The following AMD1 variants were observed in gnomAD, a reference collection of about 807,000 sequenced individuals.
The protein encoded by AMD1 is adenosylmethionine decarboxylase 1, also known as S-adenosylmethionine decarboxylase proenzyme.
Under a neutral mutation model 40.2 loss-of-function variants are expected in AMD1, and 11 were observed. That is an observed-to-expected ratio of 0.27 (90% confidence interval 0.17 to 0.45). The LOEUF is 0.45. Among genes scored for constraint, AMD1 ranks in the 20% least tolerant of loss-of-function variants. The pLI is 1.00. For missense variants in AMD1, 257 were observed against 410.2 expected, an observed-to-expected ratio of 0.63 and a Z score of 3.23; for synonymous variants, 121 against 130.8, an observed-to-expected ratio of 0.93 and a Z score of 0.51.
At chr6:110,836,569 T>G in the AMD1 span, among the ~76,000 whole-genome samples, 50 of 152,342 alleles carry the variant, frequency 3.3e-4, no homozygotes, top group Middle Eastern at 0.01. Flanking sequence ...TTTCAAGCTC[T>G]TAGGAAATTC....
upstream of AMD1, among the ~76,000 whole-genome samples, chr6:110,873,505 C>A (rs113016461): frequency 2.6e-5 from 4 of 152,194 alleles, no homozygotes; most frequent in African/African-American, 9.7e-5. Flanking sequence ...AAACCCAAAC[C>A]ATGTCTTTTT....
the AMD1 span, among the ~76,000 whole-genome samples, chr6:110,828,699 T>G: frequency 2.0e-5 from 3 of 152,170 alleles, no homozygotes; most frequent in Admixed American, 2.0e-4. Context: ...GAAGTCAAAT[T>G]TGAATCTGGA....
At chr6:110,829,572 G>A in the AMD1 span, among the ~76,000 whole-genome samples, 5 of 152,010 alleles carry the variant, frequency 3.3e-5, no homozygotes, top group African/African-American at 9.7e-5. Context: ...GGGAGGCTGA[G>A]GCAGGAGAAT....
the AMD1 span, among the ~76,000 whole-genome samples, chr6:110,862,810 G>A: frequency 6.6e-6 from 1 of 151,988 alleles, no homozygotes; most frequent in African/African-American, 2.4e-5. Flanking sequence ...TAATGTTGAA[G>A]GCTCTCCTCA....
At chr6:110,880,041 C>T (rs2012303) in intron 1 of AMD1, among the ~76,000 whole-genome samples, 7,854 of 151,944 alleles carry the variant, frequency 0.052, 267 homozygotes, top group South Asian at 0.1. Flanking sequence ...CTGCAACCTC[C>T]GCCTCCCAGG....
rs116456967 is a variant in AMD1, at chr6:110,892,982, C to G, written c.781C>G (p.Gln261Glu). Reference protein sequence around the residue: ...SYVSFETNLSQTSYDDLIRKV... With the variant: ...SYVSFETNLSETSYDDLIRKV... ...TGTTAGCTTTGAAACAAACTTAAGT[C>G]AGACCTCCTATGATGACCTGATCAG... Residue 261 changes from glutamine (Q) to glutamate (E), a missense_variant, in exon 8 of 9, where the codon CAG becomes GAG. Gln to Glu is a conservative substitution (Grantham distance 29, BLOSUM62 2). Transcript: ENST00000368885. The G allele has an allele frequency of 2.5e-6, 4 of 1,614,010 alleles. No homozygotes were observed. The highest frequency in any genetic ancestry group is 2.7e-5 in the African/African-American group (2 of 75,052).
At chr6:110,815,326 T>A in the AMD1 span, 3 of 480,316 alleles carry the variant, frequency 6.2e-6, no homozygotes, top group Non-Finnish European at 1.0e-5. Context: ...AGCAGCCACC[T>A]CCTCCACCTC....
At chr6:110,858,602 G>A in the AMD1 span, 1 of 1,574,298 alleles carries the variant, frequency 6.4e-7, no homozygotes, top group Non-Finnish European at 8.7e-7. Flanking sequence ...GCAGCTGCAG[G>A]TGTCTCTTCT....
At chr6:110,819,369 A>G in the AMD1 span, among the ~76,000 whole-genome samples, 1 of 152,184 alleles carries the variant, frequency 6.6e-6, no homozygotes, top group African/African-American at 2.4e-5. Context: ...AAACAAACTA[A>G]CAAACAAAAA....
At chr6:110,863,819 C>T in the AMD1 span, 9 of 358,116 alleles carry the variant, frequency 2.5e-5, no homozygotes, top group East Asian at 5.5e-4. Context: ...AATGGCATCA[C>T]CTGGAGCTTA....
chr6:110,891,682 G>GCCAAGTCAGTCAGT (rs2115310927), intron 4 of AMD1: 1 of 168,538 alleles, frequency 5.9e-6, no homozygotes, highest in African/African-American at 2.4e-5. Flanking sequence ...GCAAATACCC[G>GCCAAGTCAGTCAGT]CCAAGTCAGT....
chr6:110,884,202 G>C (rs1279589), intron 1 of AMD1, among the ~76,000 whole-genome samples: 131,476 of 152,234 alleles, frequency 0.86, 56,942 homozygotes, highest in Middle Eastern at 0.95. Flanking sequence ...ACACAACCTA[G>C]AAACATTGAG....
the AMD1 span, chr6:110,814,979 C>T: frequency 6.3e-7 from 1 of 1,597,664 alleles, no homozygotes; most frequent in Non-Finnish European, 8.5e-7. Context: ...AGGACCCGAG[C>T]GAGCCTACTC....
rs1443024523 is a variant in AMD1, at chr6:110,874,909, C to A, written c.-197C>A. On this transcript the variant is annotated 5_prime_UTR_variant, in exon 1 of 9. Coordinates refer to ENST00000368885, the MANE Select transcript of AMD1 (RefSeq NM_001634.6). ...TTCCAAAAGACTCACGTTCAACTTT[C>A]GCTCACACAAAGCCGGGAAAATTTT... 3.6e-6 allele frequency: 2 copies of A among 562,784 alleles called. No individual in the cohort carries two copies. Among genetic ancestry groups the A allele is most frequent in the East Asian group, 2.9e-5 (1 of 34,040 alleles). 34.9% of individuals were successfully genotyped at this position (562,784 alleles called of 1,614,324 possible). A position where few individuals can be genotyped will look rare whatever the true frequency, so the allele number is the denominator to read the frequency against.
chr6:110,840,893 A>G, the AMD1 span, among the ~76,000 whole-genome samples: 1 of 152,198 alleles, frequency 6.6e-6, no homozygotes, highest in African/African-American at 2.4e-5. Context: ...GGAGTTATGA[A>G]CCAGGGACTG....
the AMD1 span, among the ~76,000 whole-genome samples, chr6:110,860,317 A>C: frequency 6.6e-6 from 1 of 152,190 alleles, no homozygotes; most frequent in African/African-American, 2.4e-5. Context: ...TGTTGGTAAG[A>C]AGAAAAAGAT....
At chr6:110,838,155 G>A in the AMD1 span, among the ~76,000 whole-genome samples, 13 of 151,428 alleles carry the variant, frequency 8.6e-5, no homozygotes, top group East Asian at 1.9e-4. Flanking sequence ...TTGGGAGGCC[G>A]AGGCGGGTGG....
rs1202725657 is a variant in AMD1, at chr6:110,875,091, G to A, written c.-15G>A. ...GATTTTCTGTGGTTGTTGGTTGTTC[G>A]CTAGTCTCACGGTGATGGAAGCTGC... is the stretch of plus-strand genomic sequence containing the variant. On this transcript the variant is annotated 5_prime_UTR_variant, in exon 1 of 9. Coordinates refer to ENST00000368885, the MANE Select transcript of AMD1 (RefSeq NM_001634.6). 1 of 1,604,702 alleles carries A rather than the reference G, an allele frequency of 6.2e-7. No homozygotes were observed. The highest frequency in any genetic ancestry group is 8.5e-7 in the Non-Finnish European group (1 of 1,173,560).
the AMD1 span, among the ~76,000 whole-genome samples, chr6:110,829,539 G>A: frequency 6.6e-6 from 1 of 151,780 alleles, no homozygotes; most frequent in South Asian, 2.1e-4. Flanking sequence ...CGAGGTGGCA[G>A]GTGCCTGTAG....
Sources: gnomAD v4.1 joint callset for allele counts (sites outside exome capture counted in the v4.1 genomes callset) on GRCh38, gnomAD v4.1.1 for gene constraint, MANE v1.5 for transcripts, NCBI Gene and HGNC (gene_info 2026-07-23, HGNC 2026-07-21) for gene names.